Variants in TMPRSS11E observed in about 807,000 individuals in gnomAD.
The protein encoded by TMPRSS11E is transmembrane protease serine 11E.
A neutral mutation model predicts 48.1 loss-of-function variants in TMPRSS11E; 38 were observed. The observed-to-expected ratio is 0.79, with a 90% CI of 0.61 to 1.04. The LOEUF is 1.04. TMPRSS11E is among the 50% of genes least tolerant of loss of function. The pLI, the probability that TMPRSS11E is intolerant of heterozygous loss-of-function variation, is 0.00. For missense variants in TMPRSS11E, 530 were observed against 510.8 expected (o/e 1.04, Z -0.36); for synonymous variants, 158 against 171.9 (o/e 0.92, Z 0.63).
chr4:68,487,202 G>C (rs1271756713), intron 9 of TMPRSS11E, among the ~76,000 whole-genome samples: 2 of 151,778 alleles, frequency 1.3e-5, no homozygotes, highest in Non-Finnish European at 2.9e-5. Context: ...TGATTGTATA[G>C]TTGCATATAG....
chr4:68,481,259 C>T (rs1364994930), intron 9 of TMPRSS11E, among the ~76,000 whole-genome samples: 2 of 152,194 alleles, frequency 1.3e-5, no homozygotes, highest in Non-Finnish European at 2.9e-5. Context: ...CTGCCATGAA[C>T]ATATGCATAC....
chr4:68,470,086 G>C (rs1729022194), intron 4 of TMPRSS11E, among the ~76,000 whole-genome samples: 1 of 151,800 alleles, frequency 6.6e-6, no homozygotes, highest in Non-Finnish European at 1.5e-5. Context: ...TACATTCTAA[G>C]GGACCATATG....
At chr4:68,467,308 G>A (rs746175969) in intron 3 of TMPRSS11E, among the ~76,000 whole-genome samples, 1 of 152,016 alleles carries the variant, frequency 6.6e-6, no homozygotes, top group Admixed American at 6.6e-5. Context: ...TACCCTTAAC[G>A]CATCAACATT....
chr4:68,460,779 A>G (rs1332481987), intron 1 of TMPRSS11E, among the ~76,000 whole-genome samples: 1 of 152,226 alleles, frequency 6.6e-6, no homozygotes, highest in Non-Finnish European at 1.5e-5. Flanking sequence ...AACTTTACCA[A>G]TCAAACAAAA....
At chr4:68,453,195 T>C (rs1390701413) in intron 1 of TMPRSS11E, among the ~76,000 whole-genome samples, 3 of 151,954 alleles carry the variant, frequency 2.0e-5, no homozygotes, top group Non-Finnish European at 4.4e-5. Flanking sequence ...ACTTTTGTGG[T>C]GTATTTACTG....
intron 2 of TMPRSS11E, among the ~76,000 whole-genome samples, chr4:68,466,028 T>C (rs1026017906): frequency 2.6e-5 from 4 of 152,124 alleles, no homozygotes; most frequent in African/African-American, 9.7e-5. Flanking sequence ...AAAACATACA[T>C]GCAGTGACAA....
intron 4 of TMPRSS11E, 116 bp from the exon 5 acceptor site, chr4:68,471,344 T>C: frequency 4.5e-6 from 3 of 661,736 alleles, no homozygotes; most frequent in African/African-American, 1.9e-5. Context: ...CTCTTTTCTT[T>C]CTTTCCTCCC....
In TMPRSS11E at chr4:68,471,493, G is replaced by A. The variant is rs765396946; in HGVS notation, c.360G>A (p.Leu120=). The A allele has an allele frequency of 1.9e-6, 3 of 1,593,832 alleles. No homozygotes were observed. In the East Asian group the frequency reaches 6.8e-5, roughly 36 times the overall value. ...QQKHGVLAHM[L]LICRFHSTED... ...AGCATGGAGTGTTGGCTCATATGCT[G>A]TTGATTTGTAGATTTCACTCTACTG... The change falls in exon 5 of 10, where the codon CTG becomes CTA. Residue 120 remains leucine, a synonymous_variant. Coordinates refer to ENST00000305363, the MANE Select transcript of TMPRSS11E (RefSeq NM_014058.4).
intron 2 of TMPRSS11E, among the ~76,000 whole-genome samples, chr4:68,462,976 A>G (rs144816464): frequency 0.012 from 1,801 of 152,286 alleles, 132 homozygotes; most frequent in Admixed American, 0.1. Context: ...TGACTCAACC[A>G]TGACCTGTTA....
At chr4:68,452,799 G>A (rs929225089) in intron 1 of TMPRSS11E, among the ~76,000 whole-genome samples, 2 of 151,874 alleles carry the variant, frequency 1.3e-5, no homozygotes, top group Non-Finnish European at 2.9e-5. Context: ...GTACATTCAA[G>A]TCATTATTAG....
At chr4:68,490,229 C>G (rs959744216) in intron 9 of TMPRSS11E, among the ~76,000 whole-genome samples, 2 of 152,156 alleles carry the variant, frequency 1.3e-5, no homozygotes, top group Admixed American at 6.5e-5. Flanking sequence ...TGCCTTCTTT[C>G]TGAAAATTTG....
In TMPRSS11E at chr4:68,476,246, CT is replaced by C. The variant is rs775213993; in HGVS notation, c.530-14del. On this transcript the variant is annotated splice_polypyrimidine_tract_variant and intron_variant, in intron 6 of 9. Transcript: ENST00000305363. Reference sequence around the variant, plus strand: ...TAATGCACCCACCAATGCACCCCCCCTCTCTCTTTTGCAGGCTGCGGAACAC... The same window carrying C: ...TAATGCACCCACCAATGCACCCCCCCCTCTCTTTTGCAGGCTGCGGAACAC... The C allele has an allele frequency of 2.5e-4, 411 of 1,613,438 alleles. No individual in the cohort carries two copies. The highest frequency in any genetic ancestry group is 3.3e-4 in the Non-Finnish European group (384 of 1,179,910).
At chr4:68,471,247 TTCTC>T (rs1255431534) in intron 4 of TMPRSS11E, among the ~76,000 whole-genome samples, 2 of 150,818 alleles carry the variant, frequency 1.3e-5, no homozygotes, top group Non-Finnish European at 3.0e-5. Flanking sequence ...TTTCTTTTCT[TTCTC>T]TCTCTCTCCC....
intron 4 of TMPRSS11E, among the ~76,000 whole-genome samples, chr4:68,469,746 A>G (rs1319948327): frequency 2.0e-5 from 3 of 151,902 alleles, no homozygotes; most frequent in Non-Finnish European, 2.9e-5. Context: ...ACAAGTTTCT[A>G]TCTCTAGTCT....
intron 3 of TMPRSS11E, 139 bp downstream of exon 3, chr4:68,466,891 A>C: frequency 9.2e-7 from 1 of 1,086,610 alleles, no homozygotes; most frequent in South Asian, 1.4e-5. Context: ...AACCCAAGGA[A>C]TATAAAACAA....
chr4:68,481,452 C>G (rs990812260), intron 9 of TMPRSS11E, among the ~76,000 whole-genome samples: 8 of 152,186 alleles, frequency 5.3e-5, no homozygotes, highest in African/African-American at 1.9e-4. Context: ...TTCTCCACAA[C>G]CTCAACAACA....
At chr4:68,478,750 T>C in intron 8 of TMPRSS11E, 99 bp from the exon 9 acceptor site, 1 of 1,337,670 alleles carries the variant, frequency 7.5e-7, no homozygotes, top group Non-Finnish European at 1.1e-6. Flanking sequence ...TCACCGTGCC[T>C]GGCCTGTATC....
intron 8 of TMPRSS11E, among the ~76,000 whole-genome samples, chr4:68,478,479 G>C (rs1305599110): frequency 5.5e-5 from 3 of 54,808 alleles, no homozygotes; most frequent in Non-Finnish European, 6.6e-5. Context: ...TTTTAAGATG[G>C]GGCTTCTTTC....
intron 2 of TMPRSS11E, among the ~76,000 whole-genome samples, chr4:68,464,079 C>CG (rs1728866354): frequency 6.6e-6 from 1 of 152,178 alleles, no homozygotes. Context: ...TAATACTGAA[C>CG]ACACAGCTTC....
Sources: gnomAD v4.1 joint callset for allele counts (sites outside exome capture counted in the v4.1 genomes callset) on GRCh38, gnomAD v4.1.1 for gene constraint, MANE v1.5 for transcripts, NCBI Gene and HGNC (gene_info 2026-07-23, HGNC 2026-07-21) for gene names.